The following MCCC1 variants were observed in gnomAD, a reference collection of about 807,000 sequenced individuals.
The protein encoded by MCCC1 is methylcrotonyl-CoA carboxylase subunit 1.
Under a neutral mutation model 83.8 loss-of-function variants are expected in MCCC1, and 64 were observed. The observed-to-expected ratio is 0.76, with a 90% CI of 0.62 to 0.94. MCCC1 has a LOEUF of 0.94. Among genes scored for constraint, MCCC1 ranks in the 40% least tolerant of loss-of-function variants. The pLI is 0.00. For synonymous variants in MCCC1, 322 were observed against 315.4 expected, an observed-to-expected ratio of 1.02 and a Z score of -0.22; for missense variants, 807 against 904.7, an observed-to-expected ratio of 0.89 and a Z score of 1.39.
chr3:183,037,511 C>T, intron 12 of MCCC1, 77 bp from the exon 13 acceptor site: 1 of 1,209,588 alleles, frequency 8.3e-7, no homozygotes, highest in Non-Finnish European at 1.2e-6. Context: ...CTCTTTTTAT[C>T]TAAGTATTTT....
chr3:183,112,000 A>G (rs1378834523), intron 1 of MCCC1, among the ~76,000 whole-genome samples: 1 of 152,160 alleles, frequency 6.6e-6, no homozygotes, highest in Non-Finnish European at 1.5e-5. Context: ...AAAAAAAAAA[A>G]CATTCCTCAA....
upstream of MCCC1, among the ~76,000 whole-genome samples, chr3:183,101,709 C>T (rs894652463): frequency 6.6e-6 from 1 of 152,138 alleles, no homozygotes; most frequent in South Asian, 2.1e-4. Flanking sequence ...GCTCGGGTCC[C>T]ATTCCACGCT....
chr3:183,104,534 A>G (rs1438546982), upstream of MCCC1, among the ~76,000 whole-genome samples: 1 of 152,220 alleles, frequency 6.6e-6, no homozygotes, highest in Non-Finnish European at 1.5e-5. Context: ...ACATACACAT[A>G]GAGAAAGTCA....
intron 18 of MCCC1, 76 bp from the exon 19 acceptor site, chr3:183,015,642 G>C: frequency 6.3e-7 from 1 of 1,581,850 alleles, no homozygotes. Context: ...TCAAGAAAGG[G>C]AGACCAAAAA....
chr3:183,017,343 G>C lies in MCCC1; in HGVS notation c.1978-6C>G. 6.2e-7 allele frequency: 1 copy of C among 1,613,450 alleles called. No homozygotes were observed. Among genetic ancestry groups the C allele is most frequent in the Non-Finnish European group, 8.5e-7 (1 of 1,179,882 alleles). On this transcript the variant is annotated splice_polypyrimidine_tract_variant and splice_region_variant and intron_variant, in intron 17 of 18. Transcript: ENST00000265594. ...TCTCCAGCTTTGACAAACACCTTGA[G>C]ATTCAGTGTGACAGGTTAATATTTG...
chr3:183,039,355 C>T (rs1413146447), intron 11 of MCCC1, among the ~76,000 whole-genome samples: 3 of 152,180 alleles, frequency 2.0e-5, no homozygotes, highest in Non-Finnish European at 4.4e-5. Context: ...CAGGCCCTAA[C>T]GTGGTGATTC....
intron 4 of MCCC1, among the ~76,000 whole-genome samples, chr3:183,076,637 G>GT (rs748189028): frequency 2.0e-5 from 3 of 152,144 alleles, no homozygotes; most frequent in Non-Finnish European, 4.4e-5. Context: ...TTTAAAGTGT[G>GT]TATCCATATC....
Position 183,092,490 on chromosome 3 carries a change from C to T in MCCC1, c.192G>A (p.Val64=), listed in dbSNP as rs1360164882. The T allele has an allele frequency of 6.2e-7, 1 of 1,614,210 alleles. No individual in the cohort carries two copies. The highest frequency in any genetic ancestry group is 1.7e-5 in the Admixed American group (1 of 60,018). The change falls in exon 3 of 19, where the codon GTG becomes GTA. Residue 64 remains valine, a synonymous_variant. Transcript: ENST00000265594. ...CACCCAGTTTTTTGGCTGTGCGCAT[C>T]ACCCTGCAGGCAATTTCTCCTCTGT... is the stretch of plus-strand genomic sequence containing the variant. ...IANRGEIACR[V]MRTAKKLGVQ...
intron 9 of MCCC1, among the ~76,000 whole-genome samples, chr3:183,046,546 C>A (rs1451489812): frequency 6.6e-6 from 1 of 152,050 alleles, no homozygotes; most frequent in Non-Finnish European, 1.5e-5. Context: ...CACAGGCGCA[C>A]ACCACTATGT....
rs540541369 is a variant in MCCC1 at position 183,098,257 on chromosome 3, T to TG, written c.89+1094dup. Reference sequence around the variant, plus strand: ...TTCCAACAACTTTCTTATGTTTCTCTGGGGCACTCCTACAATTAAGTAACT... The same window carrying TG: ...TTCCAACAACTTTCTTATGTTTCTCTGGGGGCACTCCTACAATTAAGTAACT... On this transcript the variant is annotated intron_variant, in intron 1 of 18. Transcript: ENST00000265594. 1.4e-3 allele frequency among the ~76,000 whole-genome samples: 219 copies of TG among 152,362 alleles called. 1 individual carries two copies. Among genetic ancestry groups the TG allele is most frequent in the African/African-American group, 5.1e-3 (212 of 41,596 alleles).
intron 4 of MCCC1, among the ~76,000 whole-genome samples, chr3:183,085,901 G>A (rs974965332): frequency 3.9e-5 from 6 of 152,120 alleles, no homozygotes; most frequent in African/African-American, 1.4e-4. Flanking sequence ...CAGTCTTCAG[G>A]TTCTTTTGGA....
At chr3:183,108,979 T>TTTTG (rs377130313) in intron 1 of MCCC1, among the ~76,000 whole-genome samples, 1 of 152,050 alleles carries the variant, frequency 6.6e-6, no homozygotes. Flanking sequence ...TTGTGGGGTT[T>TTTTG]TTTGTTTGTT....
chr3:183,027,156 C>T (rs1189743534), intron 14 of MCCC1, among the ~76,000 whole-genome samples: 1 of 152,128 alleles, frequency 6.6e-6, no homozygotes, highest in Admixed American at 6.5e-5. Context: ...CCTCAATCTG[C>T]GCCCATGTAA....
At chr3:183,049,050 A>C (rs1714759987) in intron 9 of MCCC1, among the ~76,000 whole-genome samples, 1 of 152,194 alleles carries the variant, frequency 6.6e-6, no homozygotes, top group Non-Finnish European at 1.5e-5. Flanking sequence ...TTCTCAACTA[A>C]ATAAAAATAC....
rs943284916 is a variant in MCCC1, at chr3:183,037,302, C to T, written c.1510G>A (p.Ala504Thr). 6.2e-7 allele frequency: 1 copy of T among 1,614,128 alleles called. No individual in the cohort carries two copies. Among genetic ancestry groups the T allele is most frequent in the Admixed American group, 1.7e-5 (1 of 60,024 alleles). ...GCTGCCTGGCATAAAGACTCTTTGG[C>T]TGCAGCCTTCCGACTGAGCAACAAC... ...KQLLLSRKAA[A>T]KESLCQAALG... The change falls in exon 13 of 19, where the codon GCC becomes ACC. Residue 504 changes from alanine to threonine, a missense_variant. By Grantham distance (58) the Ala-to-Thr change is moderately conservative. Transcript: ENST00000265594.
At chr3:183,100,255 G>T (rs1719079840), upstream of MCCC1, among the ~76,000 whole-genome samples, 1 of 152,174 alleles carries the variant, frequency 6.6e-6, no homozygotes, top group Non-Finnish European at 1.5e-5. Context: ...TGCTAATTTT[G>T]CTTAACTTCA....
chr3:183,049,788 C>T (rs769038430), intron 9 of MCCC1, among the ~76,000 whole-genome samples: 24 of 152,064 alleles, frequency 1.6e-4, no homozygotes, highest in Admixed American at 3.9e-4. Flanking sequence ...GAACCAATTC[C>T]TTCAAAGACA....
chr3:183,060,651 C>T (rs1056985918), intron 7 of MCCC1, among the ~76,000 whole-genome samples: 10 of 152,018 alleles, frequency 6.6e-5, no homozygotes, highest in Non-Finnish European at 1.3e-4. Context: ...TGTATACATG[C>T]GCCATGTTGG....
intron 9 of MCCC1, 36 bp downstream of exon 9, chr3:183,052,123 T>A: frequency 6.3e-7 from 1 of 1,588,278 alleles, no homozygotes; most frequent in Non-Finnish European, 8.6e-7. Context: ...TTAAACACTG[T>A]TACGTCTCTT....
Sources: gnomAD v4.1 joint callset for allele counts (sites outside exome capture counted in the v4.1 genomes callset) on GRCh38, gnomAD v4.1.1 for gene constraint, MANE v1.5 for transcripts, NCBI Gene and HGNC (gene_info 2026-07-23, HGNC 2026-07-21) for gene names.